REPS2: variants seen among roughly 807,000 people sequenced by gnomAD.
REPS2 encodes the protein ralBP1-associated Eps domain-containing protein 2.
A neutral mutation model predicts 53.6 loss-of-function variants in REPS2; 23 were observed. The observed-to-expected ratio is 0.43, with a 90% CI of 0.31 to 0.61. REPS2 has a LOEUF of 0.61. Among genes scored for constraint, REPS2 ranks in the 20% least tolerant of loss-of-function variants. The pLI is 0.11. For missense variants in REPS2, 446 were observed against 534.9 expected, an observed-to-expected ratio of 0.83 and a Z score of 1.64; for synonymous variants, 238 against 218.6, an observed-to-expected ratio of 1.09 and a Z score of -0.78.
At chrX:17,106,152 G>T (rs1360911201) in intron 14 of REPS2, among the ~76,000 whole-genome samples, 2 of 111,729 alleles carry the variant, frequency 1.8e-5, no homozygotes, top group Admixed American at 9.5e-5. Flanking sequence ...TACAAAATCA[G>T]TGTGCAAAAA....
intron 1 of REPS2, among the ~76,000 whole-genome samples, chrX:16,949,900 C>A (rs5924564): frequency 1.8e-5 from 2 of 108,750 alleles, no homozygotes; most frequent in Non-Finnish European, 3.8e-5. Flanking sequence ...TCCCCAAAGT[C>A]TATATATTAG....
intron 14 of REPS2, among the ~76,000 whole-genome samples, chrX:17,123,629 G>C (rs538898221): frequency 3.6e-5 from 4 of 112,391 alleles, no homozygotes; most frequent in South Asian, 3.7e-4. Flanking sequence ...GGTCTACCGA[G>C]GGGGGTGCCC....
chrX:17,161,683 AC>A, the REPS2 span, among the ~76,000 whole-genome samples: 2 of 110,021 alleles, frequency 1.8e-5, no homozygotes, highest in African/African-American at 6.6e-5. Flanking sequence ...CATGTTTTTG[AC>A]CTAAGAGACT....
chrX:16,967,884 C>T (rs779192214), intron 1 of REPS2, among the ~76,000 whole-genome samples: 13 of 104,610 alleles, frequency 1.2e-4, no homozygotes, highest in African/African-American at 1.8e-4. Context: ...AGGTGTTTCT[C>T]GCAGAGGGGG....
At chrX:17,166,946 A>T in the REPS2 span, among the ~76,000 whole-genome samples, 2 of 112,246 alleles carry the variant, frequency 1.8e-5, no homozygotes, top group Non-Finnish European at 3.8e-5. Flanking sequence ...ATTCACAATT[A>T]TGTGGTGAGG....
chrX:17,080,164 A>T (rs1161440007), intron 13 of REPS2, among the ~76,000 whole-genome samples: 4 of 110,834 alleles, frequency 3.6e-5, no homozygotes, highest in African/African-American at 1.3e-4. Context: ...CATGATATGG[A>T]TATACCATGG....
At chrX:17,168,486 C>T in the REPS2 span, among the ~76,000 whole-genome samples, 1 of 111,406 alleles carries the variant, frequency 9.0e-6, no homozygotes, top group South Asian at 3.9e-4. Context: ...GAACTCCAGC[C>T]TCAGCAACAG....
At chrX:17,054,718 C>T (rs1320143332) in intron 7 of REPS2, 90 bp from the exon 8 acceptor site, 1 of 996,605 alleles carries the variant, frequency 1.0e-6, no homozygotes, top group East Asian at 3.2e-5. Flanking sequence ...GCCATCACCA[C>T]AGAGTCTGGG....
chrX:17,009,690 A>G (rs1411607849), intron 2 of REPS2, among the ~76,000 whole-genome samples: 1 of 111,667 alleles, frequency 9.0e-6, no homozygotes, highest in Non-Finnish European at 1.9e-5. Flanking sequence ...TGCTGGGATT[A>G]TAGGAATGAG....
At chrX:17,088,605 T>C (rs2062572962) in intron 13 of REPS2, among the ~76,000 whole-genome samples, 1 of 106,551 alleles carries the variant, frequency 9.4e-6, no homozygotes, top group African/African-American at 3.4e-5. Context: ...TTTTTTTTTT[T>C]TAAGATGGAG....
intron 13 of REPS2, among the ~76,000 whole-genome samples, chrX:17,097,348 G>A (rs748204484): frequency 8.9e-6 from 1 of 112,097 alleles, no homozygotes; most frequent in South Asian, 3.7e-4. Context: ...AATTCTAAAA[G>A]ACATACTTTA....
chrX:17,133,573 A>G (rs188892649), intron 14 of REPS2, among the ~76,000 whole-genome samples: 1 of 111,796 alleles, frequency 8.9e-6, no homozygotes, highest in African/African-American at 3.3e-5. Context: ...AGCAATACAT[A>G]TGTTCAATTA....
At chrX:17,101,402 C>G (rs190124971) in intron 13 of REPS2, among the ~76,000 whole-genome samples, 2 of 111,091 alleles carry the variant, frequency 1.8e-5, no homozygotes, top group East Asian at 5.6e-4. Context: ...GAATGAACAA[C>G]GGACACATAC....
intron 9 of REPS2, among the ~76,000 whole-genome samples, chrX:17,063,818 T>C (rs2062189751): frequency 9.1e-6 from 1 of 110,222 alleles, no homozygotes; most frequent in Non-Finnish European, 1.9e-5. Context: ...TGTGTGTGTG[T>C]GTGTGTGATG....
chrX:17,095,078 A>C (rs372365611), intron 13 of REPS2, among the ~76,000 whole-genome samples: 2 of 111,978 alleles, frequency 1.8e-5, no homozygotes, highest in Admixed American at 9.5e-5. Context: ...TTTTCTGCAG[A>C]TATCTGGTAA....
intron 14 of REPS2, among the ~76,000 whole-genome samples, chrX:17,112,187 T>C (rs2079426443): frequency 9.0e-6 from 1 of 111,225 alleles, no homozygotes; most frequent in African/African-American, 3.3e-5. Flanking sequence ...CTCAAATTCC[T>C]GAGCTCAAGT....
At chrX:17,069,057 C>T (rs770164730) in intron 10 of REPS2, among the ~76,000 whole-genome samples, 1 of 111,633 alleles carries the variant, frequency 9.0e-6, no homozygotes, top group South Asian at 3.8e-4. Flanking sequence ...GAGGGACCCT[C>T]TCCCCCACCT....
chrX:17,068,587 T>G lies in REPS2; in HGVS notation c.1279+116T>G. 6.0e-6 allele frequency: 3 copies of G among 499,207 alleles called. No individual in the cohort carries two copies. In the Middle Eastern group the frequency reaches 1.0e-3, roughly 171 times the overall value. The allele number at this position is 499,207 out of a possible 1,213,427, so 41.1% of individuals were successfully genotyped here. On this transcript the variant is annotated intron_variant, in intron 10 of 17. Coordinates refer to ENST00000357277, the MANE Select transcript of REPS2 (RefSeq NM_004726.3). ...GGGTGGTTCTCAGCATGTAAACACA[T>G]TTGGATAGACTAAGTAGTTCAAATC... is the stretch of plus-strand genomic sequence containing the variant.
chrX:17,094,763 TC>T (rs1353756835), intron 13 of REPS2, among the ~76,000 whole-genome samples: 1 of 111,957 alleles, frequency 8.9e-6, no homozygotes, highest in African/African-American at 3.2e-5. Flanking sequence ...ACTGAGACTT[TC>T]TCTGGTGACT....
Sources: gnomAD v4.1 joint callset for allele counts (sites outside exome capture counted in the v4.1 genomes callset) on GRCh38, gnomAD v4.1.1 for gene constraint, MANE v1.5 for transcripts, NCBI Gene and HGNC (gene_info 2026-07-23, HGNC 2026-07-21) for gene names.